The following ACLY variants were observed in gnomAD, a reference collection of about 807,000 sequenced individuals.
ACLY encodes ATP-citrate synthase.
Under a neutral mutation model 133.0 loss-of-function variants are expected in ACLY, and 41 were observed. The ratio of observed to expected loss-of-function variants is 0.31; its 90% CI spans 0.24 to 0.40. The LOEUF (loss-of-function observed/expected upper bound fraction) is 0.40, where lower values mean the gene tolerates loss of function less well. ACLY is among the 10% of genes least tolerant of loss of function. ACLY has a pLI of 1.00. For synonymous variants in ACLY, 495 were observed against 549.3 expected (o/e 0.90, Z 1.38); for missense variants, 1,046 against 1,453.8 (o/e 0.72, Z 4.56).
At position 41,867,141 on chromosome 17, in the gene ACLY, G is replaced by A. The variant is rs2048488580; in HGVS notation, c.*669C>T. On this transcript the variant is annotated 3_prime_UTR_variant, in exon 29 of 29. Transcript: ENST00000352035. The stretch of plus-strand genomic sequence containing the variant: ...TTCTGCATTTCCATTTTAAATGTAT[G>A]TATGTTACAACTTTACATATTAAGT... 6.5e-6 allele frequency: 1 copy of A among 152,674 alleles called. No individual in the cohort carries two copies. Among genetic ancestry groups the A allele is most frequent in the African/African-American group, 2.4e-5 (1 of 41,534 alleles). The allele number at this position is 152,674 out of a possible 1,614,324, so 9.5% of individuals were successfully genotyped here.
At chr17:41,878,998 A>T in intron 20 of ACLY, 74 bp from the exon 21 acceptor site, 1 of 1,559,980 alleles carries the variant, frequency 6.4e-7, no homozygotes, top group Non-Finnish European at 8.8e-7. Flanking sequence ...AAAGTGTGCT[A>T]AACACTTTAC....
chr17:41,916,254 A>T (rs1392109120), intron 1 of ACLY, among the ~76,000 whole-genome samples: 1 of 152,328 alleles, frequency 6.6e-6, no homozygotes, highest in African/African-American at 2.4e-5. Flanking sequence ...AATAAAAATA[A>T]GGCCTCTGCA....
chr17:41,900,779 C>T (rs2049515190), intron 11 of ACLY, among the ~76,000 whole-genome samples: 2 of 151,868 alleles, frequency 1.3e-5, no homozygotes, highest in African/African-American at 2.4e-5. Flanking sequence ...ACTTCTTGTG[C>T]CTGCTGTCTC....
At chr17:41,874,725 C>T (rs2048687499) in intron 22 of ACLY, among the ~76,000 whole-genome samples, 1 of 151,814 alleles carries the variant, frequency 6.6e-6, no homozygotes, top group Non-Finnish European at 1.5e-5. Flanking sequence ...AGGCGCTTGC[C>T]ACCACGCCCA....
At chr17:41,918,055 T>C (rs979372802) in intron 1 of ACLY, among the ~76,000 whole-genome samples, 12 of 152,234 alleles carry the variant, frequency 7.9e-5, no homozygotes, top group Non-Finnish European at 7.3e-5. Context: ...AACTCGGCAC[T>C]GCACGGTATC....
upstream of ACLY, among the ~76,000 whole-genome samples, chr17:41,923,713 G>A (rs1424392200): frequency 6.6e-6 from 1 of 152,218 alleles, no homozygotes; most frequent in Non-Finnish European, 1.5e-5. Context: ...ATATGTGAAT[G>A]AAAGAAAGCA....
intron 16 of ACLY, 83 bp downstream of exon 16, chr17:41,892,196 C>G: frequency 8.9e-6 from 12 of 1,349,050 alleles, no homozygotes; most frequent in Non-Finnish European, 1.2e-5. Context: ...TGCTTCCCCA[C>G]CCTCTGTCCC....
chr17:41,887,497 AC>A (rs2049085689), intron 17 of ACLY, 101 bp downstream of exon 17: 1 of 946,358 alleles, frequency 1.1e-6, no homozygotes, highest in African/African-American at 1.6e-5. Context: ...AATCTTCTCA[AC>A]CTAGGAGGGA....
chr17:41,913,958 G>A, intron 1 of ACLY, 62 bp from the exon 2 acceptor site: 1 of 1,532,082 alleles, frequency 6.5e-7, no homozygotes, highest in South Asian at 1.2e-5. Flanking sequence ...ATCTTCCCCA[G>A]CAGGGCAGAC....
intron 14 of ACLY, among the ~76,000 whole-genome samples, chr17:41,894,022 T>C (rs368992252): frequency 6.6e-6 from 1 of 152,050 alleles, no homozygotes; most frequent in African/African-American, 2.4e-5. Context: ...AAGACCAGCC[T>C]GGCCAACGCG....
rs1357376410 is a variant in ACLY at position 41,918,830 on chromosome 17, C to T, written c.-24+50G>A. The stretch of plus-strand genomic sequence containing the variant: ...CGGGTTGGGGGACGGAGGCAGGAAG[C>T]TCCTAGGGCGAGCGGGCTCCAGCCA... On this transcript the variant is annotated intron_variant, in intron 1 of 28. Transcript: ENST00000352035. The T allele has an allele frequency of 6.2e-6, 8 of 1,283,408 alleles. No homozygotes were observed. The Admixed American group carries it at 9.3e-5, about 15-fold the overall frequency. The allele number at this position is 1,283,408 out of a possible 1,614,324, so 79.5% of individuals were successfully genotyped here.
chr17:41,904,314 GAAGGA>G (rs1271583910), intron 10 of ACLY: 1 of 105,912 alleles, frequency 9.4e-6, no homozygotes, highest in African/African-American at 3.7e-5. Flanking sequence ...AGAAAGGGAA[GAAGGA>G]AAGGGAAGGA....
chr17:41,895,873 G>A (rs73983680), intron 14 of ACLY, among the ~76,000 whole-genome samples: 27 of 152,312 alleles, frequency 1.8e-4, no homozygotes, highest in African/African-American at 6.3e-4. Context: ...GAATGTCAAA[G>A]TTAAATGGAC....
chr17:41,895,066 G>A (rs1392540520), intron 14 of ACLY, among the ~76,000 whole-genome samples: 1 of 152,104 alleles, frequency 6.6e-6, no homozygotes, highest in Non-Finnish European at 1.5e-5. Context: ...CAGAACAAGG[G>A]GAGCCACCTA....
In ACLY at chr17:41,867,993, C is replaced by A. The variant is rs567803190; in HGVS notation, c.3212-89G>T. 54 of 908,714 alleles carry A rather than the reference C, an allele frequency of 5.9e-5. No homozygotes were observed. In the African/African-American group the frequency reaches 7.0e-4, roughly 12 times the overall value. The allele number at this position is 908,714 out of a possible 1,614,324, so 56.3% of individuals were successfully genotyped here. On this transcript the variant is annotated intron_variant, in intron 28 of 28. Transcript: ENST00000352035. ...AAGGAAGGGAAATCTTTCTAACACACAAAAAAAGTAGACACAAAGCAGTGG... is the reference window on the plus strand; with the variant it reads ...AAGGAAGGGAAATCTTTCTAACACAAAAAAAAAGTAGACACAAAGCAGTGG...
At chr17:41,874,737 C>A (rs1044760321) in intron 22 of ACLY, among the ~76,000 whole-genome samples, 1 of 151,558 alleles carries the variant, frequency 6.6e-6, no homozygotes, top group African/African-American at 2.4e-5. Context: ...CCACGCCCAG[C>A]TAATTTTTTG....
At chr17:41,899,665 C>T (rs1002816989) in intron 11 of ACLY, among the ~76,000 whole-genome samples, 2 of 152,158 alleles carry the variant, frequency 1.3e-5, no homozygotes, top group African/African-American at 4.8e-5. Context: ...GTGGAATGTT[C>T]TAATTTTAAG....
intron 20 of ACLY, among the ~76,000 whole-genome samples, chr17:41,879,230 C>A (rs781244970): frequency 4.7e-4 from 71 of 151,990 alleles, no homozygotes; most frequent in Middle Eastern, 6.8e-3. Context: ...CTCAGCCACC[C>A]GAGTAGCTAG....
At chr17:41,898,550 G>A in intron 12 of ACLY, 81 bp downstream of exon 12, 3 of 1,527,654 alleles carry the variant, frequency 2.0e-6, no homozygotes, top group Non-Finnish European at 2.7e-6. Context: ...ATGCCCCCAG[G>A]GAACAGAGGA....
Sources: gnomAD v4.1 joint callset for allele counts (sites outside exome capture counted in the v4.1 genomes callset) on GRCh38, gnomAD v4.1.1 for gene constraint, MANE v1.5 for transcripts, NCBI Gene and HGNC (gene_info 2026-07-23, HGNC 2026-07-21) for gene names.